The following PLSCR1 variants were observed in gnomAD, a reference collection of about 807,000 sequenced individuals.
The protein encoded by PLSCR1 is PL scramblase 1.
PLSCR1 carries 17 observed loss-of-function variants against 37.8 expected under a neutral mutation model. That is an observed-to-expected ratio of 0.45 (90% confidence interval 0.31 to 0.68). The LOEUF (loss-of-function observed/expected upper bound fraction) is 0.68, where lower values mean the gene tolerates loss of function less well. PLSCR1 is among the 30% of genes least tolerant of loss of function. PLSCR1 has a pLI of 0.06. For missense variants in PLSCR1, 347 were observed against 380.9 expected (o/e 0.91, Z 0.74); for synonymous variants, 116 against 125.9 (o/e 0.92, Z 0.53).
At chr3:146,525,121 A>T (rs2044088800) in intron 5 of PLSCR1, among the ~76,000 whole-genome samples, 2 of 152,208 alleles carry the variant, frequency 1.3e-5, no homozygotes, top group Admixed American at 1.3e-4. Context: ...GCATCCTCCC[A>T]CACTGCAGTG....
At chr3:146,532,126 A>C (rs1576792547) in intron 3 of PLSCR1, among the ~76,000 whole-genome samples, 1 of 152,154 alleles carries the variant, frequency 6.6e-6, no homozygotes, top group Non-Finnish European at 1.5e-5. Flanking sequence ...GAGAAACAAA[A>C]TCAAGCTGTA....
chr3:146,530,706 A>T (rs557791911), intron 3 of PLSCR1, among the ~76,000 whole-genome samples: 9 of 151,938 alleles, frequency 5.9e-5, no homozygotes, highest in African/African-American at 2.2e-4. Context: ...AAGAGAGAGG[A>T]ATGTCATAAG....
intron 5 of PLSCR1, among the ~76,000 whole-genome samples, chr3:146,524,283 T>C (rs537108158): frequency 6.6e-6 from 1 of 152,296 alleles, no homozygotes; most frequent in African/African-American, 2.4e-5. Flanking sequence ...AAACAAATTG[T>C]TTATATTTTT....
intron 2 of PLSCR1, among the ~76,000 whole-genome samples, 166 bp downstream of exon 2, chr3:146,536,374 T>C (rs1338128362): frequency 6.6e-6 from 1 of 152,180 alleles, no homozygotes; most frequent in Non-Finnish European, 1.5e-5. Flanking sequence ...TTTGTACATC[T>C]TCTCTATAGT....
At chr3:146,540,630 T>C (rs1476829029) in intron 1 of PLSCR1, among the ~76,000 whole-genome samples, 1 of 152,162 alleles carries the variant, frequency 6.6e-6, no homozygotes, top group African/African-American at 2.4e-5. Flanking sequence ...AATTTACTTG[T>C]TAATTGCCTA....
At chr3:146,532,353 C>T (rs894390777) in intron 3 of PLSCR1, among the ~76,000 whole-genome samples, 2 of 152,140 alleles carry the variant, frequency 1.3e-5, no homozygotes, top group Admixed American at 6.5e-5. Flanking sequence ...ACCTTAGAAT[C>T]ACTTGGGGTG....
intron 4 of PLSCR1, among the ~76,000 whole-genome samples, chr3:146,527,475 A>G (rs2044133896): frequency 6.6e-6 from 1 of 152,226 alleles, no homozygotes; most frequent in South Asian, 2.1e-4. Flanking sequence ...TTATGTGTCA[A>G]AAACAATTCA....
chr3:146,516,233 A>T, intron 8 of PLSCR1, 132 bp from the exon 9 acceptor site: 1 of 532,936 alleles, frequency 1.9e-6, no homozygotes, highest in Non-Finnish European at 3.3e-6. Context: ...GTAATAAGTA[A>T]ATATACAAAA....
rs376356857 is a variant in PLSCR1, at chr3:146,522,570, C to G, written c.356-517G>C. Among the ~76,000 whole-genome samples, 18 of 152,288 alleles carry G rather than the reference C, an allele frequency of 1.2e-4. 1 individual carries two copies. In the East Asian group the frequency reaches 3.5e-3, roughly 29 times the overall value. On this transcript the variant is annotated intron_variant, in intron 5 of 8. Transcript: ENST00000342435. ...AAAACACTGTGGAAGGCCACAGGGA[C>G]CTCTGCCTAGGAAAGCCAGGTATTG...
At chr3:146,522,871 A>C (rs896579721) in intron 5 of PLSCR1, among the ~76,000 whole-genome samples, 1 of 152,234 alleles carries the variant, frequency 6.6e-6, no homozygotes, top group Non-Finnish European at 1.5e-5. Flanking sequence ...TGCTGGCAGC[A>C]ATACTGCTCT....
chr3:146,536,796 C>T (rs1478953568), intron 1 of PLSCR1: 1 of 412,524 alleles, frequency 2.4e-6, no homozygotes, highest in East Asian at 3.6e-5. Flanking sequence ...ATGGTGAACA[C>T]ATTCTAAAGC....
chr3:146,523,119 CT>C (rs973918391), intron 5 of PLSCR1, among the ~76,000 whole-genome samples: 94 of 152,338 alleles, frequency 6.2e-4, no homozygotes, highest in African/African-American at 2.0e-3. Flanking sequence ...TGCCAGTCCC[CT>C]GGGCCCATTT....
At chr3:146,534,824 C>G (rs918872131) in intron 2 of PLSCR1, among the ~76,000 whole-genome samples, 3 of 151,922 alleles carry the variant, frequency 2.0e-5, no homozygotes, top group Non-Finnish European at 4.4e-5. Flanking sequence ...TGCAGTGAGC[C>G]GAGATCGTGC....
intron 1 of PLSCR1, among the ~76,000 whole-genome samples, chr3:146,543,495 T>C (rs1997601): frequency 0.27 from 40,648 of 152,058 alleles, 5,633 homozygotes; most frequent in African/African-American, 0.31. Flanking sequence ...CCCCAAACTG[T>C]CTGACACGTT....
intron 5 of PLSCR1, among the ~76,000 whole-genome samples, chr3:146,525,323 C>CAA (rs1295980856): frequency 2.6e-5 from 4 of 152,052 alleles, no homozygotes; most frequent in Non-Finnish European, 5.9e-5. Flanking sequence ...TGGTAGAAGT[C>CAA]AGAAAAAAAG....
chr3:146,531,141 C>CACG (rs2044192697), intron 3 of PLSCR1, among the ~76,000 whole-genome samples: 1 of 152,158 alleles, frequency 6.6e-6, no homozygotes, highest in African/African-American at 2.4e-5. Context: ...CTTGAGGGGT[C>CACG]ACCTTTATGC....
intron 2 of PLSCR1, among the ~76,000 whole-genome samples, chr3:146,534,613 C>T (rs758628713): frequency 1.5e-4 from 23 of 152,062 alleles, no homozygotes; most frequent in Admixed American, 1.2e-3. Context: ...ATGACTTCAG[C>T]GGAATCCAGT....
intron 3 of PLSCR1, 47 bp from the exon 4 acceptor site, chr3:146,528,878 A>G: frequency 7.0e-7 from 1 of 1,423,672 alleles, no homozygotes; most frequent in Non-Finnish European, 9.8e-7. Context: ...CCAAAAATGG[A>G]ATTGTCAACC....
intron 7 of PLSCR1, 110 bp downstream of exon 7, chr3:146,521,434 A>T (rs2044018065): frequency 2.2e-6 from 2 of 894,682 alleles, no homozygotes; most frequent in African/African-American, 3.3e-5. Context: ...TCATCTTGCT[A>T]TTGAGACATT....
Sources: allele counts gnomAD v4.1 joint callset (sites outside exome capture counted in the v4.1 genomes callset), GRCh38; gene constraint gnomAD v4.1.1; transcripts MANE v1.5; gene names NCBI Gene and HGNC (gene_info 2026-07-23, HGNC 2026-07-21).